The following RIC1 variants were observed in gnomAD, a reference collection of about 807,000 sequenced individuals.
RIC1 encodes RIC1 partner of RAB6A GEF complex.
RIC1 carries 88 observed loss-of-function variants against 169.0 expected under a neutral mutation model. The ratio of observed to expected loss-of-function variants is 0.52; its 90% CI spans 0.44 to 0.62. RIC1 has a LOEUF of 0.62. RIC1 is among the 20% of genes least tolerant of loss of function. The probability of loss-of-function intolerance (pLI) is 0.00; values close to 1 mark genes in which losing one functional copy is unlikely to be tolerated. For missense variants in RIC1, 1,877 were observed against 1,725.5 expected (o/e 1.09, Z -1.56); for synonymous variants, 790 against 601.5 (o/e 1.31, Z -4.59).
At chr9:5,687,486 T>C (rs1411125993) in intron 2 of RIC1, among the ~76,000 whole-genome samples, 1 of 152,316 alleles carries the variant, frequency 6.6e-6, no homozygotes, top group Admixed American at 6.5e-5. Context: ...TTTAAGGCTG[T>C]AAATTTCCTC....
chr9:5,733,893 T>C (rs1824529785), intron 7 of RIC1, among the ~76,000 whole-genome samples: 1 of 151,580 alleles, frequency 6.6e-6, no homozygotes, highest in Non-Finnish European at 1.5e-5. Context: ...ATCCCTCCCT[T>C]CTTTGTCTTC....
chr9:5,690,608 A>C (rs1350320169), intron 3 of RIC1, among the ~76,000 whole-genome samples: 1 of 151,596 alleles, frequency 6.6e-6, no homozygotes, highest in Non-Finnish European at 1.5e-5. Context: ...ATAAAAATAT[A>C]AGAGCATTTA....
chr9:5,687,733 A>T (rs1821339104), intron 2 of RIC1, among the ~76,000 whole-genome samples: 1 of 152,200 alleles, frequency 6.6e-6, no homozygotes, highest in Non-Finnish European at 1.5e-5. Context: ...CACTGCTATT[A>T]TTCTTGTTTT....
chr9:5,718,435 C>T (rs1458716989), intron 4 of RIC1, among the ~76,000 whole-genome samples: 1 of 152,104 alleles, frequency 6.6e-6, no homozygotes. Flanking sequence ...GGGGTCTTCC[C>T]TGGAGCCCTT....
chr9:5,747,573 AAATATTTCATCTGTTAACTTCAG>A, intron 12 of RIC1, 68 bp downstream of exon 12: 12 of 1,349,648 alleles, frequency 8.9e-6, no homozygotes, highest in Non-Finnish European at 1.3e-5. Flanking sequence ...ACAGATTATT[AAATATTTCATCTGTTAACTTCAG>A]GCAACTGAGA....
At chr9:5,727,878 G>C (rs1824098194) in intron 6 of RIC1, among the ~76,000 whole-genome samples, 1 of 152,230 alleles carries the variant, frequency 6.6e-6, no homozygotes, top group African/African-American at 2.4e-5. Context: ...AACGGCAAAT[G>C]TTGCTGCCTG....
chr9:5,702,342 AGAGG>A (rs1822271162), intron 3 of RIC1, among the ~76,000 whole-genome samples: 1 of 152,120 alleles, frequency 6.6e-6, no homozygotes, highest in African/African-American at 2.4e-5. Flanking sequence ...TATAAAGAAA[AGAGG>A]TTTAATTGGT....
In RIC1 at chr9:5,775,070, C is replaced by G. The variant is rs886935737; in HGVS notation, c.*824C>G. The stretch of plus-strand genomic sequence containing the variant: ...GCTGGATTCTGCATGTCTACACATA[C>G]AAAGACAGGGCTTGCTCCTCTGCAA... On this transcript the variant is annotated 3_prime_UTR_variant, in exon 26 of 26. Coordinates refer to ENST00000414202, the MANE Select transcript of RIC1 (RefSeq NM_020829.4). 6.6e-6 allele frequency: 1 copy of G among 152,200 alleles called. No homozygotes were observed. Among genetic ancestry groups the G allele is most frequent in the African/African-American group, 2.4e-5 (1 of 41,452 alleles). The allele number at this position is 152,200 out of a possible 1,614,324, so 9.4% of individuals were successfully genotyped here. A position where few individuals can be genotyped will look rare whatever the true frequency, so the allele number is the denominator to read the frequency against.
intron 2 of RIC1, among the ~76,000 whole-genome samples, chr9:5,672,264 G>A (rs1177441138): frequency 6.6e-6 from 1 of 152,202 alleles, no homozygotes. Flanking sequence ...CACTAAGGGA[G>A]CTCATTAACT....
At chr9:5,751,235 C>T (rs1825705928) in intron 12 of RIC1, among the ~76,000 whole-genome samples, 1 of 151,732 alleles carries the variant, frequency 6.6e-6, no homozygotes, top group African/African-American at 2.4e-5. Context: ...GGTACATCCT[C>T]CTGCTGTGAG....
Position 5,720,179 on chromosome 9 carries a change from C to G in RIC1, c.441-3C>G. ...CTTAAAAATTAATTGATTCTACCTA[C>G]AGTTTGCAGTCTGTGTTGGAAGATC... On this transcript the variant is annotated splice_polypyrimidine_tract_variant and splice_region_variant and intron_variant, in intron 4 of 25. Transcript: ENST00000414202. The G allele has an allele frequency of 6.2e-7, 1 of 1,608,588 alleles. No individual in the cohort carries two copies. The highest frequency in any genetic ancestry group is 8.5e-7 in the Non-Finnish European group (1 of 1,175,478).
intron 3 of RIC1, among the ~76,000 whole-genome samples, chr9:5,691,371 C>G (rs924824691): frequency 6.6e-6 from 1 of 151,910 alleles, no homozygotes; most frequent in Non-Finnish European, 1.5e-5. Flanking sequence ...CTTAAATTTT[C>G]AACTAGTTAG....
intron 2 of RIC1, among the ~76,000 whole-genome samples, chr9:5,682,451 G>T (rs1483873501): frequency 6.6e-6 from 1 of 152,196 alleles, no homozygotes; most frequent in East Asian, 1.9e-4. Flanking sequence ...ATTCTGGGTT[G>T]AAAATTCTTT....
chr9:5,712,691 G>T (rs1462146888), intron 3 of RIC1, among the ~76,000 whole-genome samples: 2 of 152,122 alleles, frequency 1.3e-5, no homozygotes, highest in Non-Finnish European at 2.9e-5. Flanking sequence ...TTTAAAACCA[G>T]ATATATTAAT....
chr9:5,758,722 C>CTTTTTT (rs754931692), intron 17 of RIC1, among the ~76,000 whole-genome samples: 1 of 98,420 alleles, frequency 1.0e-5, no homozygotes, highest in Non-Finnish European at 2.2e-5. Flanking sequence ...GGTCTCCCTT[C>CTTTTTT]TTTTTTTTTT....
At chr9:5,640,554 A>G (rs2130305850) in intron 1 of RIC1, among the ~76,000 whole-genome samples, 1 of 152,274 alleles carries the variant, frequency 6.6e-6, no homozygotes, top group South Asian at 2.1e-4. Context: ...CTACAATAAC[A>G]CTTATAAAAT....
Position 5,630,935 on chromosome 9 carries a change from T to C in RIC1, c.144+1482T>C, listed in dbSNP as rs143394837. Among the ~76,000 whole-genome samples the C allele has an allele frequency of 1.4e-3, 215 of 152,378 alleles. 1 individual carries two copies. Among genetic ancestry groups the C allele is most frequent in the African/African-American group, 5.0e-3 (206 of 41,592 alleles). ...ATAGAACTTGAATTTAAATTGTCTT[T>C]TGAATTTAATACATAATTCCTTTTG... On this transcript the variant is annotated intron_variant, in intron 1 of 25. Coordinates refer to ENST00000414202, the MANE Select transcript of RIC1 (RefSeq NM_020829.4).
chr9:5,739,901 C>T lies in RIC1; in HGVS notation c.901+1363C>T, dbSNP rs1427319366. Among the ~76,000 whole-genome samples, 7 of 152,216 alleles carry T rather than the reference C, an allele frequency of 4.6e-5. No homozygotes were observed. The East Asian group carries it at 9.6e-4, about 21-fold the overall frequency. ...GTGCCTTCACTTTAACAGTAGACAC[C>T]TGGTGAGGCTGTGCATGCACCTTTT... On this transcript the variant is annotated intron_variant, in intron 8 of 25. Coordinates refer to ENST00000414202, the MANE Select transcript of RIC1 (RefSeq NM_020829.4).
chr9:5,632,878 A>G (rs191458476), intron 1 of RIC1, among the ~76,000 whole-genome samples: 117 of 152,336 alleles, frequency 7.7e-4, no homozygotes, highest in African/African-American at 2.7e-3. Flanking sequence ...GAATTTAGCC[A>G]TTCTAAATTA....
Sources: gnomAD v4.1 joint callset for allele counts (sites outside exome capture counted in the v4.1 genomes callset) on GRCh38, gnomAD v4.1.1 for gene constraint, MANE v1.5 for transcripts, NCBI Gene and HGNC (gene_info 2026-07-23, HGNC 2026-07-21) for gene names.